LMOD3: variants seen among roughly 807,000 people sequenced by gnomAD.
LMOD3 encodes the protein leiomodin-3.
LMOD3 carries 31 observed loss-of-function variants against 41.8 expected under a neutral mutation model. That is an observed-to-expected ratio of 0.74 (90% confidence interval 0.56 to 1.00). The LOEUF is 1.00. LMOD3 is among the 50% of genes least tolerant of loss of function. The pLI, the probability that LMOD3 is intolerant of heterozygous loss-of-function variation, is 0.00. For missense variants in LMOD3, 755 were observed against 679.5 expected (o/e 1.11, Z -1.23); for synonymous variants, 292 against 241.9 (o/e 1.21, Z -1.92).
chr3:69,118,149 TC>T (rs2092385434), intron 2 of LMOD3, among the ~76,000 whole-genome samples: 1 of 152,282 alleles, frequency 6.6e-6, no homozygotes, highest in South Asian at 2.1e-4. Context: ...TCTTATTTAT[TC>T]CTCACTGTAG....
In LMOD3 at chr3:69,113,283, G is replaced by A. The variant is rs186201337; in HGVS notation, c.1657-4162C>T. Among the ~76,000 whole-genome samples the A allele has an allele frequency of 5.3e-4, 80 of 152,286 alleles. 1 individual carries two copies. The highest frequency in any genetic ancestry group is 3.4e-3 in the Middle Eastern group (1 of 294). ...TTTGGGGACAGATTGAACGTGCTAA[G>A]AAAACCCTGAGTGATCTAAAGGGAA... On this transcript the variant is annotated intron_variant, in intron 2 of 2. Transcript: ENST00000420581.
In LMOD3 at chr3:69,106,915, T is replaced by A. The variant is rs1170650003; in HGVS notation, c.*2180A>T. The A allele has an allele frequency of 9.9e-5, 14 of 140,724 alleles. No individual in the cohort carries two copies. Among genetic ancestry groups the A allele is most frequent in the African/African-American group, 3.8e-4 (14 of 37,080 alleles). The allele number at this position is 140,724 out of a possible 1,614,324, so 8.7% of individuals were successfully genotyped here. On this transcript the variant is annotated 3_prime_UTR_variant, in exon 3 of 3. Coordinates refer to ENST00000420581, the MANE Select transcript of LMOD3 (RefSeq NM_198271.5). ...TAGAAATGGGGTTTCACCATGTTGG[T>A]CAGGCTGGTCTTGAACTCCTGACCT...
chr3:69,119,226 A>G lies in LMOD3; in HGVS notation c.1129T>C (p.Phe377Leu). Residue 377 changes from phenylalanine (F) to leucine (L), a missense_variant, in exon 2 of 3, where the codon TTT (phenylalanine) becomes CTT (leucine). Coordinates refer to ENST00000420581, the MANE Select transcript of LMOD3 (RefSeq NM_198271.5). ...ACCATTCTGGGACCCGGAAGCTCAA[A>G]ATGGTAGCCCATCTTCAGGAGAGTG... ...NNTLLKMGYH[F>L]ELPGPRMVVT... 6.2e-7 allele frequency: 1 copy of G among 1,613,902 alleles called. No individual in the cohort carries two copies. Among genetic ancestry groups the G allele is most frequent in the Middle Eastern group, 1.6e-4 (1 of 6,062 alleles).
chr3:69,115,659 C>A lies in LMOD3; in HGVS notation c.1656+3040G>T, dbSNP rs61457022. ...GAAAATCCAGGGATTTGGAGGGTAT[C>A]TGTCCCAAATCCCCAAAACCCTTCA... On this transcript the variant is annotated intron_variant, in intron 2 of 2. Transcript: ENST00000420581. Among the ~76,000 whole-genome samples the A allele has an allele frequency of 8.5e-3, 1,296 of 152,270 alleles. 19 individuals carry two copies. Among genetic ancestry groups the A allele is most frequent in the African/African-American group, 0.029 (1,222 of 41,538 alleles).
chr3:69,118,589 T>C (rs1189675767), intron 2 of LMOD3, 110 bp downstream of exon 2: 2 of 1,230,424 alleles, frequency 1.6e-6, no homozygotes, highest in East Asian at 5.1e-5. Flanking sequence ...CTTCCCCCAG[T>C]TGGTCTCAAT....
chr3:69,118,326 G>C (rs2092386535), intron 2 of LMOD3, among the ~76,000 whole-genome samples: 1 of 152,112 alleles, frequency 6.6e-6, no homozygotes, highest in Non-Finnish European at 1.5e-5. Context: ...TCCTCCACAT[G>C]TTATTAAATT....
chr3:69,115,313 C>G lies in LMOD3; in HGVS notation c.1656+3386G>C, dbSNP rs1335628402. ...CCAGGGCAACATAGTGAGATCTCAT[C>G]CCTACAAATTAAAAAACAAAAAAAA... On this transcript the variant is annotated intron_variant, in intron 2 of 2. Transcript: ENST00000420581. Among the ~76,000 whole-genome samples, 7 of 151,384 alleles carry G rather than the reference C, an allele frequency of 4.6e-5. No individual in the cohort carries two copies. The Admixed American group carries it at 4.6e-4, about 10-fold the overall frequency.
chr3:69,119,521 C>T lies in LMOD3; in HGVS notation c.834G>A (p.Met278Ile). 6.2e-7 allele frequency: 1 copy of T among 1,613,970 alleles called. No homozygotes were observed. The highest frequency in any genetic ancestry group is 2.2e-5 in the East Asian group (1 of 44,892). Residue 278 changes from methionine to isoleucine, a missense_variant, in exon 2 of 3, where the codon ATG becomes ATA. Coordinates refer to ENST00000420581, the MANE Select transcript of LMOD3 (RefSeq NM_198271.5). ...ATGTTTTGATGTGCTTGTTTTTCTT[C>T]ATTGCATTGACAAAGTCCAGTAACA... ...KEMLLDFVNA[M>I]KKNKHIKTFS...
rs5849874 is a variant in LMOD3, at chr3:69,121,438, T to TA, written c.294+654dup. ...TGTTAAGTCATTTTCAAGTGGAACA[T>TA]AAAAAAAAAAATTATGCTCATGCAC... is the stretch of plus-strand genomic sequence containing the variant. On this transcript the variant is annotated intron_variant, in intron 1 of 2. Coordinates refer to ENST00000420581, the MANE Select transcript of LMOD3 (RefSeq NM_198271.5). Among the ~76,000 whole-genome samples the TA allele has an allele frequency of 1.3e-4, 20 of 148,764 alleles. No individual in the cohort carries two copies. In the East Asian group the frequency reaches 2.3e-3, roughly 17 times the overall value.
intron 2 of LMOD3, among the ~76,000 whole-genome samples, chr3:69,116,991 A>G (rs2092377587): frequency 6.6e-6 from 1 of 152,230 alleles, no homozygotes; most frequent in Non-Finnish European, 1.5e-5. Flanking sequence ...ACAGCCACCA[A>G]GGTGGCTTGA....
In LMOD3 at chr3:69,106,693, ATT is replaced by A. The variant is rs373817195; in HGVS notation, c.*2400_*2401del. On this transcript the variant is annotated 3_prime_UTR_variant, in exon 3 of 3. Coordinates refer to ENST00000420581, the MANE Select transcript of LMOD3 (RefSeq NM_198271.5). ...AACAAATGCATAGGGGCTTTCTAGAATTTTTTTTTTTTTTTTGAGATGAGGTT... is the reference window on the plus strand; with the variant it reads ...AACAAATGCATAGGGGCTTTCTAGAATTTTTTTTTTTTTTGAGATGAGGTT... Among the ~76,000 whole-genome samples, 8 of 137,688 alleles carry A rather than the reference ATT, an allele frequency of 5.8e-5. No individual in the cohort carries two copies. Among genetic ancestry groups the A allele is most frequent in the Admixed American group, 7.2e-5 (1 of 13,806 alleles). The allele number at this position is 137,688 out of a possible 152,430, so 90.3% of individuals were successfully genotyped here.
At chr3:69,113,185 C>T (rs538743263) in intron 2 of LMOD3, among the ~76,000 whole-genome samples, 7 of 152,030 alleles carry the variant, frequency 4.6e-5, no homozygotes, top group Non-Finnish European at 1.0e-4. Flanking sequence ...GACCTGAATG[C>T]GTGACAGAAT....
In LMOD3 at chr3:69,119,558, A is replaced by G. The variant is rs545644080; in HGVS notation, c.797T>C (p.Ile266Thr). 2.5e-6 allele frequency: 4 copies of G among 1,613,784 alleles called. No individual in the cohort carries two copies. The East Asian group carries it at 8.9e-5, about 36-fold the overall frequency. The change falls in exon 2 of 3, where the codon ATC becomes ACC. Residue 266 changes from isoleucine (I) to threonine (T), a missense_variant. Ile to Thr is a moderately conservative substitution (Grantham distance 89). Transcript: ENST00000420581. ...KELNLNNIENIPKEMLLDFVN... is the reference protein window; with the variant it reads ...KELNLNNIENTPKEMLLDFVN... Reference sequence around the variant, plus strand: ...AAAGTCCAGTAACATTTCTTTGGGGATGTTTTCAATGTTGTTCAGGTTGAG... The same window carrying G: ...AAAGTCCAGTAACATTTCTTTGGGGGTGTTTTCAATGTTGTTCAGGTTGAG...
chr3:69,111,963 C>A (rs1049833227), intron 2 of LMOD3, among the ~76,000 whole-genome samples: 3 of 152,140 alleles, frequency 2.0e-5, no homozygotes, highest in African/African-American at 7.2e-5. Flanking sequence ...TCCATAATAT[C>A]AAATATTTTT....
rs773926603 is a variant in LMOD3 at position 69,119,494 on chromosome 3, G to A, written c.861C>T (p.Phe287=). 2.1e-5 allele frequency: 34 copies of A among 1,613,856 alleles called. No individual in the cohort carries two copies. The highest frequency in any genetic ancestry group is 2.7e-5 in the Non-Finnish European group (32 of 1,179,894). The stretch of plus-strand genomic sequence containing the variant: ...CATCTGCACCCACATTGGCTAAACT[G>A]AATGTTTTGATGTGCTTGTTTTTCT... ...AMKKNKHIKT[F]SLANVGADEN... Residue 287 remains phenylalanine (F), a synonymous_variant, in exon 2 of 3, where the codon TTC becomes TTT. Coordinates refer to ENST00000420581, the MANE Select transcript of LMOD3 (RefSeq NM_198271.5).
intron 2 of LMOD3, 30 bp from the exon 3 acceptor site, chr3:69,109,151 G>T: frequency 6.3e-7 from 1 of 1,591,504 alleles, no homozygotes; most frequent in South Asian, 1.1e-5. Context: ...GGAAACGGGG[G>T]AAATTAATCC....
rs2092323935 is a variant in LMOD3 at position 69,106,688 on chromosome 3, C to T, written c.*2407G>A. 1.4e-5 allele frequency among the ~76,000 whole-genome samples: 2 copies of T among 148,110 alleles called. No individual in the cohort carries two copies. The highest frequency in any genetic ancestry group is 2.5e-5 in the African/African-American group (1 of 39,558). ...ATACAAACAAATGCATAGGGGCTTT[C>T]TAGAATTTTTTTTTTTTTTTTGAGA... On this transcript the variant is annotated 3_prime_UTR_variant, in exon 3 of 3. Coordinates refer to ENST00000420581, the MANE Select transcript of LMOD3 (RefSeq NM_198271.5).
chr3:69,111,973 T>A (rs1405794543), intron 2 of LMOD3, among the ~76,000 whole-genome samples: 1 of 152,214 alleles, frequency 6.6e-6, no homozygotes, highest in African/African-American at 2.4e-5. Context: ...CAAATATTTT[T>A]TAAAAACCAA....
Position 69,119,964 on chromosome 3 carries a change from T to C in LMOD3, c.391A>G (p.Lys131Glu). The C allele has an allele frequency of 6.3e-7, 1 of 1,586,010 alleles. No homozygotes were observed. The highest frequency in any genetic ancestry group is 8.6e-7 in the Non-Finnish European group (1 of 1,164,230). ...TTGCTGCTGCCCTTTGATTCTCTTT[T>C]ATTTGCAACTATTTCATTATTGAGC... ...EKLNNEIVAN[K>E]RESKGSSNIQ... The change falls in exon 2 of 3, where the codon AAA becomes GAA. Residue 131 changes from lysine (K) to glutamate (E), a missense_variant. By Grantham distance (56) the Lys-to-Glu change is moderately conservative (BLOSUM62 1). Transcript: ENST00000420581.
Sources: allele counts gnomAD v4.1 joint callset (sites outside exome capture counted in the v4.1 genomes callset), GRCh38; gene constraint gnomAD v4.1.1; transcripts MANE v1.5; gene names NCBI Gene and HGNC (gene_info 2026-07-23, HGNC 2026-07-21).